The following CSMD1 variants were observed in gnomAD, a reference collection of about 807,000 sequenced individuals.
CSMD1 encodes the protein CUB and Sushi multiple domains 1.
CSMD1 carries 213 observed loss-of-function variants against 417.5 expected under a neutral mutation model. The observed-to-expected ratio is 0.51, with a 90% CI of 0.46 to 0.57. The LOEUF is 0.57. CSMD1 is among the 20% of genes least tolerant of loss of function. The probability of loss-of-function intolerance (pLI) is 0.00; values close to 1 mark genes in which losing one functional copy is unlikely to be tolerated. For missense variants in CSMD1, 6,923 were observed against 4,529.7 expected, an observed-to-expected ratio of 1.53 and a Z score of -15.17; for synonymous variants, 2,862 against 1,736.8, an observed-to-expected ratio of 1.65 and a Z score of -16.11.
At chr8:3,126,217 T>C (rs533346820) in intron 41 of CSMD1, among the ~76,000 whole-genome samples, 1 of 152,302 alleles carries the variant, frequency 6.6e-6, no homozygotes, top group Admixed American at 6.5e-5. Context: ...CAGAATTAAA[T>C]GGGATGCTAA....
chr8:4,579,659 G>A (rs1343625230), intron 2 of CSMD1, among the ~76,000 whole-genome samples: 2 of 151,976 alleles, frequency 1.3e-5, no homozygotes, highest in African/African-American at 4.8e-5. Flanking sequence ...ATCATGCCCG[G>A]CCTTAAACCT....
chr8:3,301,815 G>T (rs1280468094), intron 25 of CSMD1, among the ~76,000 whole-genome samples: 1 of 152,150 alleles, frequency 6.6e-6, no homozygotes, highest in Non-Finnish European at 1.5e-5. Flanking sequence ...GATGGATTTG[G>T]GAAGGTCAGT....
intron 3 of CSMD1, among the ~76,000 whole-genome samples, chr8:4,041,745 G>C (rs746127917): frequency 6.6e-6 from 1 of 152,120 alleles, no homozygotes; most frequent in Non-Finnish European, 1.5e-5. Flanking sequence ...CCTGTTCTCA[G>C]TCAGGTGATG....
chr8:3,401,035 C>T (rs974256091), intron 15 of CSMD1, among the ~76,000 whole-genome samples: 59 of 151,482 alleles, frequency 3.9e-4, no homozygotes, highest in Non-Finnish European at 7.8e-4. Context: ...AATCACATAT[C>T]GATATACATA....
chr8:3,809,677 A>G (rs1229709566), intron 5 of CSMD1, among the ~76,000 whole-genome samples: 3 of 152,140 alleles, frequency 2.0e-5, no homozygotes, highest in Admixed American at 6.6e-5. Flanking sequence ...TGATGCTGCT[A>G]ATCTGGGAAC....
At chr8:4,748,213 T>G (rs1415341143) in intron 1 of CSMD1, among the ~76,000 whole-genome samples, 1 of 152,186 alleles carries the variant, frequency 6.6e-6, no homozygotes, top group African/African-American at 2.4e-5. Context: ...TTCCTTTCTC[T>G]TAAATGGAAA....
intron 50 of CSMD1, among the ~76,000 whole-genome samples, chr8:3,048,153 G>A (rs576372251): frequency 1.3e-5 from 2 of 152,164 alleles, no homozygotes; most frequent in African/African-American, 2.4e-5. Context: ...TAAATGTAAT[G>A]AAAGTACCCA....
intron 1 of CSMD1, among the ~76,000 whole-genome samples, chr8:4,713,527 G>A (rs1255231196): frequency 2.0e-5 from 3 of 152,086 alleles, no homozygotes; most frequent in East Asian, 1.9e-4. Flanking sequence ...TCAGCCTCCC[G>A]GGTAGCTGGG....
At chr8:4,827,605 G>C (rs1056544754) in intron 1 of CSMD1, among the ~76,000 whole-genome samples, 3 of 152,174 alleles carry the variant, frequency 2.0e-5, no homozygotes, top group East Asian at 3.8e-4. Flanking sequence ...TGAGGAGCTT[G>C]TGTCTCAGAA....
At chr8:3,511,377 TA>T (rs11288667) in intron 10 of CSMD1, among the ~76,000 whole-genome samples, 63,707 of 149,374 alleles carry the variant, frequency 0.43, 13,950 homozygotes, top group African/African-American at 0.5. Context: ...CTTAAAGTAT[TA>T]AAAAAAAAAA....
At chr8:3,508,763 T>A (rs765476824) in intron 10 of CSMD1, among the ~76,000 whole-genome samples, 1 of 152,176 alleles carries the variant, frequency 6.6e-6, no homozygotes, top group Non-Finnish European at 1.5e-5. Context: ...TTAGACCGAA[T>A]AGAGGACAGA....
intron 5 of CSMD1, among the ~76,000 whole-genome samples, chr8:3,962,264 GTTC>G (rs1812381921): frequency 6.6e-6 from 1 of 152,126 alleles, no homozygotes; most frequent in Non-Finnish European, 1.5e-5. Context: ...TCATGATGAG[GTTC>G]TTCTGTCCTG....
rs530954135 is a variant in CSMD1 at position 3,281,948 on chromosome 8, C to G, written c.4153+2196G>C. Among the ~76,000 whole-genome samples the G allele has an allele frequency of 1.3e-5, 2 of 152,204 alleles. 1 individual carries two copies. Among genetic ancestry groups the G allele is most frequent in the East Asian group, 3.9e-4 (2 of 5,158 alleles). On this transcript the variant is annotated intron_variant, in intron 26 of 69. Transcript: ENST00000635120. ...GATCTGATTGTTTAAAAGCACGTAG[C>G]ACCTTCCGCTTCACTCTGTCTTTCC...
At chr8:3,025,618 T>A (rs1022375554) in intron 51 of CSMD1, among the ~76,000 whole-genome samples, 1 of 152,216 alleles carries the variant, frequency 6.6e-6, no homozygotes, top group Non-Finnish European at 1.5e-5. Flanking sequence ...CTACCAACCA[T>A]CAATATATTT....
At chr8:4,192,561 A>T (rs571072565) in intron 3 of CSMD1, among the ~76,000 whole-genome samples, 2 of 152,152 alleles carry the variant, frequency 1.3e-5, no homozygotes, top group Non-Finnish European at 2.9e-5. Context: ...CATCAGCACC[A>T]GCTAGTGGGT....
At chr8:4,148,209 G>C (rs896029823) in intron 3 of CSMD1, among the ~76,000 whole-genome samples, 9 of 151,826 alleles carry the variant, frequency 5.9e-5, no homozygotes, top group Admixed American at 5.9e-4. Context: ...TAAGTTATAA[G>C]TTGCTATAGA....
chr8:3,762,949 C>T (rs1311069686), intron 5 of CSMD1, among the ~76,000 whole-genome samples: 2 of 150,734 alleles, frequency 1.3e-5, no homozygotes, highest in Non-Finnish European at 2.9e-5. Flanking sequence ...TCTTTCTGCT[C>T]ATCCCCCAAC....
At chr8:3,759,645 G>A (rs892261080) in intron 5 of CSMD1, among the ~76,000 whole-genome samples, 1 of 151,282 alleles carries the variant, frequency 6.6e-6, no homozygotes, top group African/African-American at 2.4e-5. Flanking sequence ...TGTAATTTCA[G>A]CAATTTGGGA....
chr8:4,053,296 G>A (rs148827415), intron 3 of CSMD1, among the ~76,000 whole-genome samples: 1 of 152,180 alleles, frequency 6.6e-6, no homozygotes, highest in African/African-American at 2.4e-5. Context: ...ACAGTGCTTA[G>A]CATTGCGAAT....
Sources: gnomAD v4.1 joint callset for allele counts (sites outside exome capture counted in the v4.1 genomes callset) on GRCh38, gnomAD v4.1.1 for gene constraint, MANE v1.5 for transcripts, NCBI Gene and HGNC (gene_info 2026-07-23, HGNC 2026-07-21) for gene names.